Variants in SORCS2 observed in about 807,000 individuals in gnomAD.
SORCS2 encodes sortilin related VPS10 domain containing receptor 2.
Under a neutral mutation model 141.6 loss-of-function variants are expected in SORCS2, and 100 were observed. The ratio of observed to expected loss-of-function variants is 0.71; its 90% CI spans 0.60 to 0.83. The LOEUF is 0.83. Among genes scored for constraint, SORCS2 ranks in the 40% least tolerant of loss-of-function variants. The probability of loss-of-function intolerance (pLI) is 0.00; values close to 1 mark genes in which losing one functional copy is unlikely to be tolerated. For missense variants in SORCS2, 1,646 were observed against 1,560.2 expected, an observed-to-expected ratio of 1.05 and a Z score of -0.93; for synonymous variants, 789 against 676.9, an observed-to-expected ratio of 1.17 and a Z score of -2.57.
chr4:7,709,240 G>A (rs1242189846), intron 14 of SORCS2, among the ~76,000 whole-genome samples: 1 of 152,214 alleles, frequency 6.6e-6, no homozygotes, highest in African/African-American at 2.4e-5. Context: ...TCCTCACACA[G>A]AGGTTGACAG....
intron 1 of SORCS2, among the ~76,000 whole-genome samples, chr4:7,299,599 C>T (rs1191967669): frequency 1.3e-5 from 2 of 152,202 alleles, no homozygotes; most frequent in African/African-American, 4.8e-5. Flanking sequence ...TTTCTGTTGT[C>T]CTTTCTTCTT....
At chr4:7,705,760 C>A (rs1024287234) in intron 14 of SORCS2, among the ~76,000 whole-genome samples, 15 of 152,258 alleles carry the variant, frequency 9.9e-5, no homozygotes, top group African/African-American at 2.9e-4. Context: ...TTCACACCCT[C>A]GACCCTGAGT....
chr4:7,328,683 A>G (rs2108961702), intron 1 of SORCS2, among the ~76,000 whole-genome samples: 1 of 152,020 alleles, frequency 6.6e-6, no homozygotes, highest in African/African-American at 2.4e-5. Context: ...GGACTTGGGT[A>G]TGTCAGAGAA....
chr4:7,690,999 G>C (rs931350180), intron 11 of SORCS2, among the ~76,000 whole-genome samples: 1 of 152,198 alleles, frequency 6.6e-6, no homozygotes, highest in African/African-American at 2.4e-5. Context: ...TGGCTGGTGT[G>C]TGGGAGAATC....
chr4:7,729,978 C>A (rs1711547550), intron 23 of SORCS2, among the ~76,000 whole-genome samples: 1 of 152,152 alleles, frequency 6.6e-6, no homozygotes, highest in Admixed American at 6.5e-5. Flanking sequence ...CATTTCTTCT[C>A]CCGTGTCATT....
Position 7,723,744 on chromosome 4 carries a change from C to A in SORCS2, c.2472C>A (p.Phe824Leu). The A allele has an allele frequency of 6.2e-7, 1 of 1,614,022 alleles. No individual in the cohort carries two copies. Among genetic ancestry groups the A allele is most frequent in the Non-Finnish European group, 8.5e-7 (1 of 1,179,894 alleles). ...ACCAGGTAGACCTTGGGGACGGCTTCAAGGCCATGTACGTGAACCTTACAC... is the reference window on the plus strand; with the variant it reads ...ACCAGGTAGACCTTGGGGACGGCTTAAAGGCCATGTACGTGAACCTTACAC... ...TKYQVDLGDG[F>L]KAMYVNLTLT... Residue 824 changes from phenylalanine (F) to leucine (L), a missense_variant, in exon 19 of 27, where the codon TTC becomes TTA. By Grantham distance (22) the Phe-to-Leu change is conservative. Coordinates refer to ENST00000507866, the MANE Select transcript of SORCS2 (RefSeq NM_020777.3).
intron 3 of SORCS2, among the ~76,000 whole-genome samples, chr4:7,540,058 CGTGGAGGCCCCGCCCCTCCTGTT>C (rs1712476380): frequency 9.3e-6 from 1 of 108,044 alleles, no homozygotes; most frequent in Non-Finnish European, 1.9e-5. Context: ...CCCTGCCTGT[CGTGGAGGCCCCGCCCCTCCTGTT>C]ATGGAGGCCC....
At chr4:7,571,614 G>T (rs554666269) in intron 3 of SORCS2, among the ~76,000 whole-genome samples, 13 of 152,130 alleles carry the variant, frequency 8.5e-5, no homozygotes, top group Middle Eastern at 6.8e-3. Flanking sequence ...GAGGTGGTCT[G>T]CCCATTCCCT....
chr4:7,410,299 C>T (rs1280532601), intron 2 of SORCS2, among the ~76,000 whole-genome samples: 1 of 152,160 alleles, frequency 6.6e-6, no homozygotes, highest in Non-Finnish European at 1.5e-5. Context: ...TATGCTTTGC[C>T]CTTTGGTCAT....
At position 7,500,718 on chromosome 4, in the gene SORCS2, C is replaced by T. The variant is rs573352539; in HGVS notation, c.549-30812C>T. On this transcript the variant is annotated intron_variant, in intron 2 of 26. Transcript: ENST00000507866. ...GAGAGGAACCGGCTTTTACATCGCA[C>T]GTCGTCCAAGAGGACCTCTCTGAGC... Among the ~76,000 whole-genome samples the T allele has an allele frequency of 3.9e-5, 6 of 152,224 alleles. No individual in the cohort carries two copies. In the East Asian group the frequency reaches 1.2e-3, roughly 29 times the overall value.
At chr4:7,279,657 G>T (rs1200306999) in intron 1 of SORCS2, among the ~76,000 whole-genome samples, 1 of 152,210 alleles carries the variant, frequency 6.6e-6, no homozygotes, top group African/African-American at 2.4e-5. Flanking sequence ...TGTAAAGCGG[G>T]AAGTACGAGA....
intron 1 of SORCS2, among the ~76,000 whole-genome samples, chr4:7,314,749 G>T (rs1718442537): frequency 6.6e-6 from 1 of 151,292 alleles, no homozygotes; most frequent in Non-Finnish European, 1.5e-5. Context: ...GTGACCACGG[G>T]TGTGAAGACC....
chr4:7,325,847 C>T (rs554987717), intron 1 of SORCS2, among the ~76,000 whole-genome samples: 25 of 152,272 alleles, frequency 1.6e-4, no homozygotes, highest in African/African-American at 5.8e-4. Context: ...ATCTGTTGAG[C>T]ACCAGACATA....
rs535385988 is a variant in SORCS2, at chr4:7,386,459, GCA to G, written c.481-9822_481-9821del. On this transcript the variant is annotated intron_variant, in intron 1 of 26. Coordinates refer to ENST00000507866, the MANE Select transcript of SORCS2 (RefSeq NM_020777.3). The stretch of plus-strand genomic sequence containing the variant: ...GGTACACAGAGATACACATGTGCAC[GCA>G]CACACATGCACACACATACACATTT... 8.4e-3 allele frequency among the ~76,000 whole-genome samples: 401 copies of G among 47,856 alleles called. 20 individuals carry two copies. The highest frequency in any genetic ancestry group is 0.04 in the African/African-American group (376 of 9,426). The allele number at this position is 47,856 out of a possible 152,430, so 31.4% of individuals were successfully genotyped here.
intron 1 of SORCS2, among the ~76,000 whole-genome samples, chr4:7,265,423 A>G (rs1044510743): frequency 1.3e-5 from 2 of 152,148 alleles, no homozygotes; most frequent in African/African-American, 2.4e-5. Flanking sequence ...CCTGGGAGGC[A>G]GAGGGTGCAG....
rs28531835 is a variant in SORCS2 at position 7,715,183 on chromosome 4, C to T, written c.2124C>T (p.Cys708=). 155,314 of 1,613,354 alleles carry T rather than the reference C, an allele frequency of 0.096. 8,624 individuals carry two copies. The highest frequency in any genetic ancestry group is 0.23 in the African/African-American group (17,272 of 74,958). Residue 708 remains cysteine, a splice_region_variant and synonymous_variant, in exon 17 of 27, where the codon TGC becomes TGT. Transcript: ENST00000507866. The stretch of plus-strand genomic sequence containing the variant: ...TACCACTACTCTTCCCTCCTCCCAG[C>T]GACTACGGATTTGAGCGCTCCTCCT... ...VCECRDSDFL[C]DYGFERSSSS...
intron 3 of SORCS2, among the ~76,000 whole-genome samples, chr4:7,578,371 C>A (rs1044164934): frequency 5.3e-5 from 8 of 152,114 alleles, no homozygotes; most frequent in African/African-American, 1.9e-4. Flanking sequence ...TGGACTAAGA[C>A]AGGTGGGCAG....
At position 7,690,279 on chromosome 4, in the gene SORCS2, A is replaced by T. The variant is rs1346242589; in HGVS notation, c.1591+691A>T. Among the ~76,000 whole-genome samples the T allele has an allele frequency of 2.6e-5, 3 of 116,000 alleles. No individual in the cohort carries two copies. The East Asian group carries it at 8.9e-4, about 34-fold the overall frequency. The allele number at this position is 116,000 out of a possible 152,430, so 76.1% of individuals were successfully genotyped here. Reference sequence around the variant, plus strand: ...TGATAGATGGATAGATGAATGTATGAATGATGCATGATGGATGGATGATGG... The same window carrying T: ...TGATAGATGGATAGATGAATGTATGTATGATGCATGATGGATGGATGATGG... On this transcript the variant is annotated intron_variant, in intron 11 of 26. Transcript: ENST00000507866.
intron 3 of SORCS2, among the ~76,000 whole-genome samples, chr4:7,567,150 A>C (rs369100843): frequency 3.9e-5 from 6 of 152,378 alleles, no homozygotes; most frequent in African/African-American, 1.4e-4. Context: ...TGAAGGTAGT[A>C]TAGAGTTCCT....
Sources: gnomAD v4.1 joint callset for allele counts (sites outside exome capture counted in the v4.1 genomes callset) on GRCh38, gnomAD v4.1.1 for gene constraint, MANE v1.5 for transcripts, NCBI Gene and HGNC (gene_info 2026-07-23, HGNC 2026-07-21) for gene names.